SIRT6: variants seen among roughly 807,000 people sequenced by gnomAD.
SIRT6 encodes the protein sirtuin 6, also known as NAD-dependent protein deacylase sirtuin-6.
SIRT6 carries 21 observed loss-of-function variants against 33.6 expected under a neutral mutation model. That is an observed-to-expected ratio of 0.62 (90% CI 0.44 to 0.90). The LOEUF is 0.90. Among genes scored for constraint, SIRT6 ranks in the 40% least tolerant of loss-of-function variants. The probability of loss-of-function intolerance (pLI) is 0.00; values close to 1 mark genes in which losing one functional copy is unlikely to be tolerated. For synonymous variants in SIRT6, 221 were observed against 223.9 expected (o/e 0.99, Z 0.12); for missense variants, 504 against 510.6 (o/e 0.99, Z 0.12).
Position 4,175,822 on chromosome 19 carries a change from C to A in SIRT6, c.533+20G>T, listed in dbSNP as rs201728264. On this transcript the variant is annotated intron_variant, in intron 5 of 7. Coordinates refer to ENST00000337491, the MANE Select transcript of SIRT6 (RefSeq NM_016539.4). The stretch of plus-strand genomic sequence containing the variant: ...TCGCAGCCTCCCCTGGAGCCCAGGG[C>A]ATGGGTGGGGGTGGCTCACCTGCAG... 10 of 1,555,530 alleles carry A rather than the reference C, an allele frequency of 6.4e-6. No individual in the cohort carries two copies. The African/African-American group carries it at 1.4e-4, about 21-fold the overall frequency.
At position 4,175,751 on chromosome 19, in the gene SIRT6, C is replaced by A; in HGVS notation, c.543G>T (p.Leu181=). The stretch of plus-strand genomic sequence containing the variant: ...CCTCCCAGTCTAGGATGGTGTCCCT[C>A]AGCTCTCCCCTGCAATGAGGAAGCT... ...ARGLRACRGE[L]RDTILDWEDS... Residue 181 remains leucine (L), a synonymous_variant, in exon 6 of 8, where the codon CTG becomes CTT. Coordinates refer to ENST00000337491, the MANE Select transcript of SIRT6 (RefSeq NM_016539.4). The A allele has an allele frequency of 6.3e-7, 1 of 1,582,810 alleles. No homozygotes were observed. The highest frequency in any genetic ancestry group is 2.3e-5 in the East Asian group (1 of 43,482).
rs886383532 is a variant in SIRT6 at position 4,175,514 on chromosome 19, T to C, written c.614+166A>G. The C allele has an allele frequency of 1.2e-5, 8 of 652,090 alleles. No homozygotes were observed. In the African/African-American group the frequency reaches 1.5e-4, roughly 12 times the overall value. The allele number at this position is 652,090 out of a possible 1,614,324, so 40.4% of individuals were successfully genotyped here. A position where few individuals can be genotyped will look rare whatever the true frequency, so the allele number is the denominator to read the frequency against. ...CCACCCAGAGCCATGAGGTGACGAG[T>C]GTGTGTGAGTGCGTGTGTGCAGCCC... On this transcript the variant is annotated intron_variant, in intron 6 of 7. Transcript: ENST00000337491.
chr19:4,175,493 C>T, intron 6 of SIRT6, 187 bp downstream of exon 6: 1 of 643,532 alleles, frequency 1.6e-6, no homozygotes, highest in Non-Finnish European at 2.6e-6. Context: ...TAGCACCCAC[C>T]CAGAGCCATG....
At chr19:4,180,313 A>T (rs1308013636) in intron 2 of SIRT6, among the ~76,000 whole-genome samples, 1 of 152,026 alleles carries the variant, frequency 6.6e-6, no homozygotes, top group Non-Finnish European at 1.5e-5. Flanking sequence ...CAACCCTTGC[A>T]GCCAGGTGTG....
chr19:4,179,234 C>G lies in SIRT6; in HGVS notation c.247G>C (p.Asp83His), dbSNP rs756423888. The G allele has an allele frequency of 3.7e-6, 6 of 1,609,940 alleles. No homozygotes were observed. The highest frequency in any genetic ancestry group is 5.1e-6 in the Non-Finnish European group (6 of 1,178,724). ...GGCCGCGCGCTCTCAAAGGTGGTGT[C>G]GAACTTGGGGGCCAGACCTCGCTCC... ...MEERGLAPKFDTTFESARPTQ... is the reference protein window; with the variant it reads ...MEERGLAPKFHTTFESARPTQ... Residue 83 changes from aspartate to histidine, a missense_variant, in exon 3 of 8, where the codon GAC (aspartate) becomes CAC (histidine). Asp to His is a moderately conservative substitution (Grantham distance 81). Coordinates refer to ENST00000337491, the MANE Select transcript of SIRT6 (RefSeq NM_016539.4).
intron 3 of SIRT6, among the ~76,000 whole-genome samples, chr19:4,177,745 C>G (rs774469069): frequency 5.9e-5 from 9 of 151,956 alleles, no homozygotes; most frequent in African/African-American, 9.7e-5. Context: ...CGCCCGCCAC[C>G]ACGCCGGGCT....
At chr19:4,175,523 G>A in intron 6 of SIRT6, 157 bp downstream of exon 6, 1 of 682,204 alleles carries the variant, frequency 1.5e-6, no homozygotes, top group Non-Finnish European at 2.4e-6. Flanking sequence ...GTGTGTGTGA[G>A]TGCGTGTGTG....
Position 4,175,116 on chromosome 19 carries a change from A to C in SIRT6, c.650T>G (p.Leu217Arg). ...ADLSITLGTS[L>R]QIRPSGNLPL... The stretch of plus-strand genomic sequence containing the variant: ...CAGGTTCCCGCTGGGCCGGATCTGC[A>C]GCGATGTACCCAGCGTGATGGACAG... The change falls in exon 7 of 8, where the codon CTG becomes CGG. Residue 217 changes from leucine to arginine, a missense_variant. Transcript: ENST00000337491. 6.3e-7 allele frequency: 1 copy of C among 1,596,254 alleles called. No homozygotes were observed. Among genetic ancestry groups the C allele is most frequent in the Non-Finnish European group, 8.5e-7 (1 of 1,173,080 alleles).
At position 4,174,660 on chromosome 19, in the gene SIRT6, TG is replaced by T. The variant is rs769236924; in HGVS notation, c.1024del (p.His342ThrfsTer7). The stretch of plus-strand genomic sequence containing the variant: ...GGCCTTCACCCTTTTGGGGGGTCTG[TG>T]GGGGGCAGGGCTGGTGGGCCGCTCC... ...KRERPTSPAP[H>X]RPPKRVKAKA... On this transcript the variant is annotated frameshift_variant, in exon 8 of 8. Transcript: ENST00000337491. LOFTEE classifies it high-confidence loss of function. The surrounding 1 kb of genome is among the most constrained non-coding windows in gnomAD (Gnocchi z 4.2). 5 of 1,454,970 alleles carry T rather than the reference TG, an allele frequency of 3.4e-6. No individual in the cohort carries two copies. The highest frequency in any genetic ancestry group is 2.8e-5 in the Admixed American group (1 of 35,220). 90.1% of individuals were successfully genotyped at this position (1,454,970 alleles called of 1,614,324 possible).
In SIRT6 at chr19:4,182,282, G is replaced by T. The variant is rs756437216; in HGVS notation, c.66+192C>A. Reference sequence around the variant, plus strand: ...TCTCCCCGATCAGCCCCGACAGGGTGACCACAGAGTTGGGCGTGTTGGCGT... The same window carrying T: ...TCTCCCCGATCAGCCCCGACAGGGTTACCACAGAGTTGGGCGTGTTGGCGT... On this transcript the variant is annotated intron_variant, in intron 1 of 7. Transcript: ENST00000337491. 4 of 569,482 alleles carry T rather than the reference G, an allele frequency of 7.0e-6. No individual in the cohort carries two copies. In the East Asian group the frequency reaches 9.9e-5, roughly 14 times the overall value. 35.3% of individuals were successfully genotyped at this position (569,482 alleles called of 1,614,324 possible).
intron 4 of SIRT6, 86 bp from the exon 5 acceptor site, chr19:4,176,023 G>A (rs1359719522): frequency 3.3e-6 from 4 of 1,199,580 alleles, no homozygotes; most frequent in Non-Finnish European, 4.7e-6. Flanking sequence ...CGTTCTCCCA[G>A]GGAGGTGGGG....
chr19:4,178,994 C>A, intron 3 of SIRT6, 110 bp downstream of exon 3: 1 of 1,391,786 alleles, frequency 7.2e-7, no homozygotes, highest in South Asian at 1.3e-5. Context: ...GGGCCAAGAA[C>A]TCAGGGCTAG....
intron 6 of SIRT6, chr19:4,175,386 A>C: frequency 1.5e-6 from 1 of 650,650 alleles, no homozygotes; most frequent in Non-Finnish European, 2.6e-6. Flanking sequence ...GTGTGGTAAG[A>C]GCTTGGACAC....
Position 4,179,289 on chromosome 19 carries a change from G to A in SIRT6, c.195-3C>T, listed in dbSNP as rs376138981. 1.1e-5 allele frequency: 18 copies of A among 1,594,204 alleles called. No homozygotes were observed. The Middle Eastern group carries it at 8.3e-4, about 74-fold the overall frequency. The stretch of plus-strand genomic sequence containing the variant: ...TGGTCCAGACTCCGTGGGGACCCCT[G>A]AAGGTGGCAGGCCGGGAGAGATGGA... On this transcript the variant is annotated splice_region_variant and splice_polypyrimidine_tract_variant and intron_variant, in intron 2 of 7. Transcript: ENST00000337491.
chr19:4,174,578 A>G lies in SIRT6; in HGVS notation c.*39T>C, dbSNP rs200930964. ...AGACCACGAGAGAAAAAGAATCCACAGTTTCTACAAAAAGCCCCACCCTCC... is the reference window on the plus strand; with the variant it reads ...AGACCACGAGAGAAAAAGAATCCACGGTTTCTACAAAAAGCCCCACCCTCC... On this transcript the variant is annotated 3_prime_UTR_variant, in exon 8 of 8. Transcript: ENST00000337491. This position sits in a 1 kb window ranked among gnomAD's most constrained non-coding sequence, Gnocchi z 4.2. 14 of 1,391,918 alleles carry G rather than the reference A, an allele frequency of 1.0e-5. No homozygotes were observed. The South Asian group carries it at 2.3e-4, about 23-fold the overall frequency. 86.2% of individuals were successfully genotyped at this position (1,391,918 alleles called of 1,614,324 possible).
At chr19:4,176,292 C>T (rs1967301172) in intron 4 of SIRT6, among the ~76,000 whole-genome samples, 1 of 152,164 alleles carries the variant, frequency 6.6e-6, no homozygotes, top group Admixed American at 6.5e-5. Flanking sequence ...CTTTTCCTGA[C>T]TTTAATCGTT....
intron 6 of SIRT6, 71 bp downstream of exon 6, chr19:4,175,609 G>A: frequency 1.4e-6 from 2 of 1,381,552 alleles, no homozygotes; most frequent in Non-Finnish European, 1.9e-6. Context: ...GTCCCATGCT[G>A]GAGCTGGCTG....
Position 4,174,756 on chromosome 19 carries a change from G to C in SIRT6, c.929C>G (p.Ser310Cys), listed in dbSNP as rs370966753. The change falls in exon 8 of 8, where the codon TCT (serine) becomes TGT (cysteine). Residue 310 changes from serine to cysteine, a missense_variant. By Grantham distance (112) the Ser-to-Cys change is moderately radical (BLOSUM62 -1). Transcript: ENST00000337491. This position sits in a 1 kb window ranked among gnomAD's most constrained non-coding sequence, Gnocchi z 4.2. ...CTCCTGCTTGGGGCCGGCGGGGATAGAGCCGTTGATCCGGGTGGGAGATTC... is the reference window on the plus strand; with the variant it reads ...CTCCTGCTTGGGGCCGGCGGGGATACAGCCGTTGATCCGGGTGGGAGATTC... ...KEESPTRINGSIPAGPKQEPC... is the reference protein window; with the variant it reads ...KEESPTRINGCIPAGPKQEPC... The C allele has an allele frequency of 5.4e-6, 8 of 1,493,210 alleles. No homozygotes were observed. In the South Asian group the frequency reaches 1.1e-4, roughly 20 times the overall value. The allele number at this position is 1,493,210 out of a possible 1,614,324, so 92.5% of individuals were successfully genotyped here.
rs766524945 is a variant in SIRT6, at chr19:4,180,895, C to CG, written c.80dup (p.Glu28GlyfsTer60). 5 of 1,611,916 alleles carry CG rather than the reference C, an allele frequency of 3.1e-6. No homozygotes were observed. Among genetic ancestry groups the CG allele is most frequent in the East Asian group, 2.2e-5 (1 of 44,814 alleles). ...CCCACACCTTCCGCTCCAGCTCCTC[C>CG]GGGGGGTCGAAGATCTGTGGGGGGA... On this transcript the variant is annotated frameshift_variant, in exon 2 of 8. Transcript: ENST00000337491. LOFTEE classifies it high-confidence loss of function.
Sources: allele counts gnomAD v4.1 joint callset (sites outside exome capture counted in the v4.1 genomes callset), GRCh38; gene constraint gnomAD v4.1.1; non-coding constraint Gnocchi (gnomAD v3.1); transcripts MANE v1.5; gene names NCBI Gene and HGNC (gene_info 2026-07-23, HGNC 2026-07-21).